The following UBE3A variants were observed in gnomAD, a reference collection of about 807,000 sequenced individuals.
The protein encoded by UBE3A is ubiquitin-protein ligase E3A.
In UBE3A, 6 loss-of-function variants were observed where a neutral mutation model predicts 83.4. The observed-to-expected ratio is 0.07, with a 90% CI of 0.04 to 0.14. The LOEUF is 0.14. UBE3A is among the 10% of genes least tolerant of loss of function. The pLI, the probability that UBE3A is intolerant of heterozygous loss-of-function variation, is 1.00. For missense variants in UBE3A, 456 were observed against 1,036.1 expected (o/e 0.44, Z 7.69); for synonymous variants, 337 against 355.4 (o/e 0.95, Z 0.58).
chr15:25,340,819 C>CT (rs1409841593), intron 11 of UBE3A, among the ~76,000 whole-genome samples: 1 of 152,124 alleles, frequency 6.6e-6, no homozygotes, highest in African/African-American at 2.4e-5. Flanking sequence ...AACTAGAATA[C>CT]TTTAAACAAG....
At chr15:25,399,739 A>T (rs201807937) in intron 4 of UBE3A, among the ~76,000 whole-genome samples, 14 of 148,318 alleles carry the variant, frequency 9.4e-5, no homozygotes, top group South Asian at 2.2e-4. Context: ...TGGCTTTAAA[A>T]ATTTTTTTTT....
At chr15:25,353,903 A>G (rs1229225244) in intron 11 of UBE3A, 1 of 193,092 alleles carries the variant, frequency 5.2e-6, no homozygotes, top group African/African-American at 2.4e-5. Flanking sequence ...TGTAAAATGG[A>G]AATACTAGTA....
chr15:25,342,456 G>C (rs2075002370), intron 11 of UBE3A, among the ~76,000 whole-genome samples: 1 of 152,114 alleles, frequency 6.6e-6, no homozygotes, highest in Non-Finnish European at 1.5e-5. Flanking sequence ...GGAACAAAAT[G>C]CATCTCTATT....
At chr15:25,391,148 A>C (rs1049599255) in intron 4 of UBE3A, among the ~76,000 whole-genome samples, 60 of 152,306 alleles carry the variant, frequency 3.9e-4, no homozygotes, top group African/African-American at 1.4e-3. Flanking sequence ...TATATAACAA[A>C]ATGTTATTCA....
intron 1 of UBE3A, among the ~76,000 whole-genome samples, chr15:25,432,045 C>T (rs1048175255): frequency 6.6e-6 from 1 of 152,170 alleles, no homozygotes; most frequent in East Asian, 1.9e-4. Flanking sequence ...TTATGGTTCA[C>T]ATCTGTTAAG....
chr15:25,355,032 C>T (rs1276501488), intron 9 of UBE3A, among the ~76,000 whole-genome samples: 1 of 152,100 alleles, frequency 6.6e-6, no homozygotes. Flanking sequence ...ATGTCAATTT[C>T]GATAATGTAT....
At position 25,405,289 on chromosome 15, in the gene UBE3A, G is replaced by A. The variant is rs555396772; in HGVS notation, c.62+172C>T. 5.5e-4 allele frequency among the ~76,000 whole-genome samples: 84 copies of A among 152,218 alleles called. No individual in the cohort carries two copies. The South Asian group carries it at 0.016, about 29-fold the overall frequency. ...AGTAGAAACCTAGTAAACTGTTACC[G>A]AGGTTTAGAGTTATCTGATAGGAAA... On this transcript the variant is annotated intron_variant, in intron 4 of 12. Coordinates refer to ENST00000648336, the MANE Select transcript of UBE3A (RefSeq NM_130839.5).
At position 25,378,807 on chromosome 15, in the gene UBE3A, A is replaced by G. The variant is rs148832800; in HGVS notation, c.63-3044T>C. 1.8e-4 allele frequency among the ~76,000 whole-genome samples: 27 copies of G among 152,348 alleles called. No individual in the cohort carries two copies. In the East Asian group the frequency reaches 4.6e-3, roughly 26 times the overall value. ...AACTGGGAAAAAAATCTGAAGAATC[A>G]TAACGTGAACCTCACATTTATGCAT... On this transcript the variant is annotated intron_variant, in intron 4 of 12. Coordinates refer to ENST00000648336, the MANE Select transcript of UBE3A (RefSeq NM_130839.5).
intron 6 of UBE3A, among the ~76,000 whole-genome samples, chr15:25,366,036 C>T (rs2152777386): frequency 6.6e-6 from 1 of 152,188 alleles, no homozygotes; most frequent in Admixed American, 6.5e-5. Flanking sequence ...TTTCATTTTC[C>T]TCACATGTAA....
intron 11 of UBE3A, 95 bp from the exon 12 acceptor site, chr15:25,340,323 G>A (rs1221244148): frequency 7.0e-7 from 1 of 1,425,544 alleles, no homozygotes; most frequent in Non-Finnish European, 9.8e-7. Flanking sequence ...TATATTAAGA[G>A]ACAACTTGGA....
At chr15:25,407,027 C>A (rs1412901498) in intron 3 of UBE3A, 1 of 1,308,370 alleles carries the variant, frequency 7.6e-7, no homozygotes, top group Admixed American at 2.1e-5. Context: ...TCACTCCACC[C>A]TCTCCCCCAG....
chr15:25,434,223 T>G (rs1006151144), intron 1 of UBE3A, among the ~76,000 whole-genome samples: 1 of 152,172 alleles, frequency 6.6e-6, no homozygotes, highest in East Asian at 1.9e-4. Context: ...AGCAACATTT[T>G]TGATAGCAAA....
At position 25,408,543 on chromosome 15, in the gene UBE3A, C is replaced by T. The variant is rs115841099; in HGVS notation, c.20+545G>A. 1,531 of 1,561,646 alleles carry T rather than the reference C, an allele frequency of 9.8e-4. 6 individuals are homozygous for T. The African/African-American group carries it at 0.018, about 18-fold the overall frequency. The stretch of plus-strand genomic sequence containing the variant: ...ATCAATTTTAGGTCTTGATTTGAAT[C>T]GCAGAAAATATGATCACAAAACACC... On this transcript the variant is annotated intron_variant, in intron 3 of 12. Transcript: ENST00000648336.
intron 8 of UBE3A, among the ~76,000 whole-genome samples, chr15:25,356,485 T>C (rs1394147742): frequency 1.3e-5 from 2 of 152,212 alleles, no homozygotes; most frequent in Non-Finnish European, 2.9e-5. Context: ...TTACAAAAGC[T>C]TCGTGCTGAC....
chr15:25,408,988 A>C, intron 3 of UBE3A, 100 bp downstream of exon 3: 1 of 1,245,618 alleles, frequency 8.0e-7, no homozygotes, highest in Non-Finnish European at 1.1e-6. Flanking sequence ...CACTATTCTT[A>C]GCAGTATTCC....
Position 25,334,849 on chromosome 15 carries a change from A to C in UBE3A, c.*4288T>G, listed in dbSNP as rs1369731975. 6.6e-6 allele frequency: 1 copy of C among 152,222 alleles called. No individual in the cohort carries two copies. The highest frequency in any genetic ancestry group is 1.5e-5 in the Non-Finnish European group (1 of 68,042). 9.4% of individuals were successfully genotyped at this position (152,222 alleles called of 1,614,324 possible). ...TTGGGCAGATGGATATACAGATACC[A>C]ATGCACTTATGCAAAAAATGGATGA... On this transcript the variant is annotated 3_prime_UTR_variant, in exon 13 of 13. Transcript: ENST00000648336.
At chr15:25,398,167 C>CAAAAAAAAAA (rs71127052) in intron 4 of UBE3A, among the ~76,000 whole-genome samples, 10 of 99,158 alleles carry the variant, frequency 1.0e-4, no homozygotes, top group African/African-American at 4.3e-4. Context: ...GACTCTGTCT[C>CAAAAAAAAAA]AAAAAAAAAA....
At position 25,438,828 on chromosome 15, in the gene UBE3A, T is replaced by G. The variant is rs1895961254; in HGVS notation, c.-504A>C. ...GCGCCGGGTCGGCAGAGGTGAAGCG[T>G]AAGTAGGCGGCGGATGGCGGGCGCC... is the stretch of plus-strand genomic sequence containing the variant. On this transcript the variant is annotated 5_prime_UTR_variant, in exon 1 of 13. Coordinates refer to ENST00000648336, the MANE Select transcript of UBE3A (RefSeq NM_130839.5). The G allele has an allele frequency of 6.6e-6, 1 of 152,658 alleles. No individual in the cohort carries two copies. Among genetic ancestry groups the G allele is most frequent in the African/African-American group, 2.4e-5 (1 of 41,346 alleles). The allele number at this position is 152,658 out of a possible 1,614,324, so 9.5% of individuals were successfully genotyped here. A position where few individuals can be genotyped will look rare whatever the true frequency, so the allele number is the denominator to read the frequency against.
At chr15:25,396,295 G>A (rs550416155) in intron 4 of UBE3A, among the ~76,000 whole-genome samples, 75 of 151,920 alleles carry the variant, frequency 4.9e-4, no homozygotes, top group African/African-American at 1.7e-3. Flanking sequence ...TCTACAACAC[G>A]GTATTTATAA....
Sources: allele counts gnomAD v4.1 joint callset (sites outside exome capture counted in the v4.1 genomes callset), GRCh38; gene constraint gnomAD v4.1.1; transcripts MANE v1.5; gene names NCBI Gene and HGNC (gene_info 2026-07-23, HGNC 2026-07-21).